Variants in LPCAT1 observed in about 807,000 individuals in gnomAD.
LPCAT1 encodes lysophosphatidylcholine acyltransferase 1, also known as 1-acylglycerol-3-phosphate O-acyltransferase.
LPCAT1 carries 23 observed loss-of-function variants against 60.9 expected under a neutral mutation model. The ratio of observed to expected loss-of-function variants is 0.38; its 90% CI spans 0.27 to 0.53. The LOEUF (loss-of-function observed/expected upper bound fraction) is 0.53. LPCAT1 is among the 20% of genes least tolerant of loss of function. The probability of loss-of-function intolerance (pLI) is 0.82; values close to 1 mark genes in which losing one functional copy is unlikely to be tolerated. For missense variants in LPCAT1, 622 were observed against 723.6 expected, an observed-to-expected ratio of 0.86 and a Z score of 1.61; for synonymous variants, 340 against 301.1, an observed-to-expected ratio of 1.13 and a Z score of -1.34.
chr5:1,496,357 T>C lies in LPCAT1; in HGVS notation c.279-1443A>G, dbSNP rs12520903. Among the ~76,000 whole-genome samples the C allele has an allele frequency of 0.14, 20,668 of 149,886 alleles. 1,941 individuals carry two copies. Among genetic ancestry groups the C allele is most frequent in the Non-Finnish European group, 0.21 (14,134 of 67,682 alleles). On this transcript the variant is annotated intron_variant, in intron 2 of 13. Transcript: ENST00000283415. This position sits in a 1 kb window ranked among gnomAD's most constrained non-coding sequence, Gnocchi z 4.7. ...GCCTGGGCAACAGAGTGAGACTCCA[T>C]CTCAAGAAAACTAAACTAAAAAATA...
At chr5:1,479,783 A>T in intron 7 of LPCAT1, 108 bp from the exon 8 acceptor site, 1 of 841,038 alleles carries the variant, frequency 1.2e-6, no homozygotes, top group Non-Finnish European at 2.0e-6. Context: ...AGAGGGCGCT[A>T]CTGGGCAGTC....
Position 1,522,663 on chromosome 5 carries a change from G to A in LPCAT1, c.135+1047C>T, listed in dbSNP as rs1736710495. Among the ~76,000 whole-genome samples the A allele has an allele frequency of 6.6e-6, 1 of 152,232 alleles. No individual in the cohort carries two copies. Among genetic ancestry groups the A allele is most frequent in the South Asian group, 2.1e-4 (1 of 4,838 alleles). On this transcript the variant is annotated intron_variant, in intron 1 of 13. Transcript: ENST00000283415. This position sits in a 1 kb window ranked among gnomAD's most constrained non-coding sequence, Gnocchi z 6.8. Reference sequence around the variant, plus strand: ...AACTTTTCACTTCAGGGTTCTTTCAGATAAAGTACTTTATGCATTAACAAA... The same window carrying A: ...AACTTTTCACTTCAGGGTTCTTTCAAATAAAGTACTTTATGCATTAACAAA...
chr5:1,494,603 C>T, intron 3 of LPCAT1, 97 bp downstream of exon 3: 1 of 1,185,224 alleles, frequency 8.4e-7, no homozygotes, highest in Non-Finnish European at 1.2e-6. Flanking sequence ...GACCCTCACT[C>T]CCAGCAGGAG....
rs2126588105 is a variant in LPCAT1, at chr5:1,501,366, G to A, written c.278+95C>T. 4 of 1,462,250 alleles carry A rather than the reference G, an allele frequency of 2.7e-6. No individual in the cohort carries two copies. The African/African-American group carries it at 4.2e-5, about 15-fold the overall frequency. The allele number at this position is 1,462,250 out of a possible 1,614,324, so 90.6% of individuals were successfully genotyped here. ...CAGAAGGGAAGGACAGATGGGCTAG[G>A]GTGGAGACACACAACCCCACTGTGA... On this transcript the variant is annotated intron_variant, in intron 2 of 13. Coordinates refer to ENST00000283415, the MANE Select transcript of LPCAT1 (RefSeq NM_024830.5).
Position 1,480,044 on chromosome 5 carries a change from A to G in LPCAT1, c.762-369T>C, listed in dbSNP as rs1316491441. On this transcript the variant is annotated intron_variant, in intron 7 of 13. Coordinates refer to ENST00000283415, the MANE Select transcript of LPCAT1 (RefSeq NM_024830.5). The surrounding 1 kb of genome is among the most constrained non-coding windows in gnomAD (Gnocchi z 6.4). ...GAGTCATGCCACCCCTCCAGCCTGG[A>G]TCCAGAGTTCCCAACCTCAGAACCA... 6.6e-6 allele frequency among the ~76,000 whole-genome samples: 1 copy of G among 151,702 alleles called. No homozygotes were observed. Among genetic ancestry groups the G allele is most frequent in the Non-Finnish European group, 1.5e-5 (1 of 67,926 alleles).
At chr5:1,479,486 T>C in intron 8 of LPCAT1, 135 bp downstream of exon 8, 1 of 705,670 alleles carries the variant, frequency 1.4e-6, no homozygotes. Flanking sequence ...GAAGGAGCCC[T>C]GAGAAACGGA....
At chr5:1,488,725 C>A (rs185039851) in intron 4 of LPCAT1, among the ~76,000 whole-genome samples, 1 of 152,334 alleles carries the variant, frequency 6.6e-6, no homozygotes, top group Non-Finnish European at 1.5e-5. Context: ...AGTCGCGGTG[C>A]CCACCTCTCA....
intron 1 of LPCAT1, among the ~76,000 whole-genome samples, chr5:1,519,962 C>T (rs1736621191): frequency 6.6e-6 from 1 of 152,218 alleles, no homozygotes; most frequent in African/African-American, 2.4e-5. Context: ...GCTCCTTGGC[C>T]CACCCCACCC....
chr5:1,506,292 C>T (rs1736184763), intron 1 of LPCAT1, among the ~76,000 whole-genome samples: 2 of 152,346 alleles, frequency 1.3e-5, no homozygotes, highest in Admixed American at 1.3e-4. Context: ...CCTCACCCAG[C>T]TCTGGGCCTG....
At chr5:1,518,112 C>T (rs1260572007) in intron 1 of LPCAT1, among the ~76,000 whole-genome samples, 2 of 152,260 alleles carry the variant, frequency 1.3e-5, no homozygotes, top group African/African-American at 2.4e-5. Context: ...CGGCCTCTCT[C>T]GAGCCCACCC....
chr5:1,523,572 G>T lies in LPCAT1; in HGVS notation c.135+138C>A. ...GACGCGAACTGAGGGGCGGCCGCGG[G>T]GAGGGAAGGCGCCGCGGCTCGCAGG... is the stretch of plus-strand genomic sequence containing the variant. On this transcript the variant is annotated intron_variant, in intron 1 of 13. Transcript: ENST00000283415. This position sits in a 1 kb window ranked among gnomAD's most constrained non-coding sequence, Gnocchi z 7.1. 1 of 479,316 alleles carries T rather than the reference G, an allele frequency of 2.1e-6. No individual in the cohort carries two copies. Among genetic ancestry groups the T allele is most frequent in the Non-Finnish European group, 2.7e-6 (1 of 364,572 alleles). The allele number at this position is 479,316 out of a possible 1,614,324, so 29.7% of individuals were successfully genotyped here.
chr5:1,487,107 C>T lies in LPCAT1; in HGVS notation c.667+1284G>A, dbSNP rs1352637683. 2.6e-5 allele frequency among the ~76,000 whole-genome samples: 4 copies of T among 152,224 alleles called. No homozygotes were observed. Among genetic ancestry groups the T allele is most frequent in the Admixed American group, 1.3e-4 (2 of 15,290 alleles). Reference sequence around the variant, plus strand: ...CACGAGGCTCCACTCCCGAGGAACACCTGCCCTTGAAGACAGGGCCCAGCA... The same window carrying T: ...CACGAGGCTCCACTCCCGAGGAACATCTGCCCTTGAAGACAGGGCCCAGCA... On this transcript the variant is annotated intron_variant, in intron 5 of 13. Coordinates refer to ENST00000283415, the MANE Select transcript of LPCAT1 (RefSeq NM_024830.5). The surrounding 1 kb of genome is among the most constrained non-coding windows in gnomAD (Gnocchi z 6.1).
intron 2 of LPCAT1, among the ~76,000 whole-genome samples, chr5:1,500,838 ATTGCTG>A (rs1735977418): frequency 1.3e-5 from 2 of 152,134 alleles, no homozygotes; most frequent in African/African-American, 4.8e-5. Flanking sequence ...CGTTCCCCTC[ATTGCTG>A]CTGCTCTCAC....
rs1244944155 is a variant in LPCAT1 at position 1,502,265 on chromosome 5, C to T, written c.136-662G>A. Among the ~76,000 whole-genome samples, 3 of 152,104 alleles carry T rather than the reference C, an allele frequency of 2.0e-5. No individual in the cohort carries two copies. Among genetic ancestry groups the T allele is most frequent in the South Asian group, 4.1e-4 (2 of 4,832 alleles). On this transcript the variant is annotated intron_variant, in intron 1 of 13. Coordinates refer to ENST00000283415, the MANE Select transcript of LPCAT1 (RefSeq NM_024830.5). The surrounding 1 kb of genome is among the most constrained non-coding windows in gnomAD (Gnocchi z 5.5). ...GACGCACCCCCAGGCAGCTCCGCCCCCCAGGACACACCCCCAGCCCCGCAG... is the reference window on the plus strand; with the variant it reads ...GACGCACCCCCAGGCAGCTCCGCCCTCCAGGACACACCCCCAGCCCCGCAG...
chr5:1,498,387 T>A (rs562206412), intron 2 of LPCAT1, among the ~76,000 whole-genome samples: 30 of 152,304 alleles, frequency 2.0e-4, no homozygotes, highest in African/African-American at 6.7e-4. Context: ...TCAGTGCTGC[T>A]GAAGGAGACG....
intron 1 of LPCAT1, among the ~76,000 whole-genome samples, chr5:1,511,259 C>G (rs769351051): frequency 6.6e-6 from 1 of 152,218 alleles, no homozygotes; most frequent in African/African-American, 2.4e-5. Flanking sequence ...GTTGACCTCC[C>G]CGGCGCGCGC....
chr5:1,498,633 TACAC>T (rs1329714471), intron 2 of LPCAT1, among the ~76,000 whole-genome samples: 1 of 149,934 alleles, frequency 6.7e-6, no homozygotes, highest in African/African-American at 2.5e-5. Context: ...CTTGCACATA[TACAC>T]ACATACATGT....
intron 12 of LPCAT1, among the ~76,000 whole-genome samples, chr5:1,470,512 G>A (rs1185471117): frequency 1.3e-5 from 2 of 152,188 alleles, no homozygotes; most frequent in African/African-American, 4.8e-5. Context: ...CAAGGTGTGT[G>A]GCCCCTGTGT....
intron 13 of LPCAT1, among the ~76,000 whole-genome samples, chr5:1,465,872 CAA>C (rs1234218819): frequency 8.2e-5 from 5 of 60,686 alleles, no homozygotes; most frequent in Admixed American, 3.6e-4. Context: ...AGTACTGAAA[CAA>C]ACGCACACAG....
Sources: gnomAD v4.1 joint callset for allele counts (sites outside exome capture counted in the v4.1 genomes callset) on GRCh38, gnomAD v4.1.1 for gene constraint, Gnocchi (gnomAD v3.1) non-coding constraint, MANE v1.5 for transcripts, NCBI Gene and HGNC (gene_info 2026-07-23, HGNC 2026-07-21) for gene names.